The following FER variants were observed in gnomAD, a reference collection of about 807,000 sequenced individuals.
FER encodes FER tyrosine kinase, also known as tyrosine-protein kinase Fer.
A neutral mutation model predicts 111.0 loss-of-function variants in FER; 63 were observed. The observed-to-expected ratio is 0.57, with a 90% CI of 0.46 to 0.70. The LOEUF (loss-of-function observed/expected upper bound fraction) is 0.70. FER is among the 30% of genes least tolerant of loss of function. FER has a pLI of 0.00. For missense variants in FER, 914 were observed against 954.0 expected, an observed-to-expected ratio of 0.96 and a Z score of 0.55; for synonymous variants, 327 against 313.9, an observed-to-expected ratio of 1.04 and a Z score of -0.44.
chr5:109,149,539 T>C (rs1262745164), intron 17 of FER, among the ~76,000 whole-genome samples: 1 of 152,158 alleles, frequency 6.6e-6, no homozygotes, highest in African/African-American at 2.4e-5. Context: ...CTCAAACAAA[T>C]CTAGTTTTGT....
chr5:108,776,493 A>C (rs867188669), intron 2 of FER, among the ~76,000 whole-genome samples: 6 of 152,166 alleles, frequency 3.9e-5, no homozygotes, highest in African/African-American at 1.4e-4. Flanking sequence ...AAAAATTGCC[A>C]GTTGTGGAGG....
intron 16 of FER, among the ~76,000 whole-genome samples, chr5:109,056,656 G>A (rs1773687510): frequency 6.6e-6 from 1 of 152,134 alleles, no homozygotes; most frequent in Non-Finnish European, 1.5e-5. Context: ...TACAACATGT[G>A]AACTATAGGT....
chr5:108,825,913 AT>A (rs1175932142), intron 3 of FER, among the ~76,000 whole-genome samples: 1 of 152,128 alleles, frequency 6.6e-6, no homozygotes, highest in East Asian at 1.9e-4. Flanking sequence ...TCTGATTTGG[AT>A]TTTTAAAATT....
chr5:109,110,450 C>T (rs947348728), intron 17 of FER, among the ~76,000 whole-genome samples: 20 of 151,950 alleles, frequency 1.3e-4, no homozygotes, highest in African/African-American at 4.8e-4. Context: ...AGAACAGAGA[C>T]AGGGGCATGC....
intron 10 of FER, among the ~76,000 whole-genome samples, chr5:108,935,497 T>A (rs1199555844): frequency 1.3e-5 from 2 of 152,094 alleles, no homozygotes; most frequent in Non-Finnish European, 2.9e-5. Flanking sequence ...CTTTTCCAAA[T>A]AAGGTTACAT....
At chr5:109,105,503 A>G (rs1748800084) in intron 17 of FER, among the ~76,000 whole-genome samples, 1 of 152,166 alleles carries the variant, frequency 6.6e-6, no homozygotes, top group African/African-American at 2.4e-5. Context: ...ATAAAAATAA[A>G]ATAAAATGTT....
intron 8 of FER, among the ~76,000 whole-genome samples, chr5:108,877,343 C>A (rs889006925): frequency 4.6e-5 from 7 of 152,038 alleles, no homozygotes; most frequent in African/African-American, 7.2e-5. Flanking sequence ...GGTGACATGT[C>A]GGAAGGACCG....
chr5:108,989,025 AT>A (rs1315647773), intron 13 of FER, among the ~76,000 whole-genome samples: 2 of 152,022 alleles, frequency 1.3e-5, no homozygotes, highest in Non-Finnish European at 1.5e-5. Context: ...TTCCATCTTG[AT>A]TTCATTTGCA....
At chr5:108,818,721 A>G (rs932409662) in intron 3 of FER, among the ~76,000 whole-genome samples, 1 of 152,118 alleles carries the variant, frequency 6.6e-6, no homozygotes, top group Non-Finnish European at 1.5e-5. Flanking sequence ...GGGAGATTTG[A>G]GAGATGGGTC....
At chr5:108,982,685 A>G (rs1015576888) in intron 13 of FER, among the ~76,000 whole-genome samples, 2 of 152,102 alleles carry the variant, frequency 1.3e-5, no homozygotes, top group African/African-American at 4.8e-5. Flanking sequence ...TGTAAGAATT[A>G]TAATTCTTAA....
intron 13 of FER, among the ~76,000 whole-genome samples, chr5:108,971,652 T>G (rs4957794): frequency 0.99 from 151,119 of 152,224 alleles, 75,097 homozygotes; most frequent in Middle Eastern, 1. Context: ...GTAGCCAAGG[T>G]TATAATATTA....
At chr5:108,941,895 A>G (rs1157201482) in intron 10 of FER, among the ~76,000 whole-genome samples, 2 of 152,180 alleles carry the variant, frequency 1.3e-5, no homozygotes, top group Non-Finnish European at 2.9e-5. Flanking sequence ...CAGCAATAAG[A>G]GCAAACCCTA....
chr5:108,941,647 A>G (rs1269489520), intron 10 of FER, among the ~76,000 whole-genome samples: 1 of 152,172 alleles, frequency 6.6e-6, no homozygotes, highest in Non-Finnish European at 1.5e-5. Context: ...AATTTATAAT[A>G]GTTATGATTT....
chr5:109,165,277 T>C (rs1756411787), intron 17 of FER, among the ~76,000 whole-genome samples: 1 of 152,220 alleles, frequency 6.6e-6, no homozygotes, highest in African/African-American at 2.4e-5. Context: ...TATTGATGAC[T>C]CAGGGTCCTC....
intron 13 of FER, among the ~76,000 whole-genome samples, chr5:109,036,230 G>C (rs1478072509): frequency 6.6e-6 from 1 of 151,936 alleles, no homozygotes; most frequent in African/African-American, 2.4e-5. Flanking sequence ...TTACCCACTT[G>C]ATCATGACGT....
At chr5:109,141,700 C>A (rs767443041) in intron 17 of FER, among the ~76,000 whole-genome samples, 11 of 152,114 alleles carry the variant, frequency 7.2e-5, no homozygotes, top group African/African-American at 2.2e-4. Context: ...AAGCTACTTC[C>A]TAGAAGTAAC....
At chr5:108,863,591 T>C (rs1441766863) in intron 5 of FER, among the ~76,000 whole-genome samples, 1 of 152,220 alleles carries the variant, frequency 6.6e-6, no homozygotes, top group East Asian at 1.9e-4. Context: ...TGGTTAGTAT[T>C]ACTGAAGTTA....
intron 13 of FER, among the ~76,000 whole-genome samples, chr5:108,998,678 T>C (rs1764328561): frequency 6.6e-6 from 1 of 152,202 alleles, no homozygotes; most frequent in African/African-American, 2.4e-5. Context: ...GGATGTTGCA[T>C]TTTATCGAAG....
chr5:108,825,857 C>T (rs1322980413), intron 3 of FER, among the ~76,000 whole-genome samples: 2 of 152,206 alleles, frequency 1.3e-5, no homozygotes, highest in Non-Finnish European at 2.9e-5. Flanking sequence ...TCCCTGACTT[C>T]CCGCAACACA....
Sources: allele counts gnomAD v4.1 joint callset (sites outside exome capture counted in the v4.1 genomes callset), GRCh38; gene constraint gnomAD v4.1.1; transcripts MANE v1.5; gene names NCBI Gene and HGNC (gene_info 2026-07-23, HGNC 2026-07-21).